The following CDH18 variants were observed in gnomAD, a reference collection of about 807,000 sequenced individuals.
CDH18 encodes cadherin 18.
Under a neutral mutation model 67.9 loss-of-function variants are expected in CDH18, and 31 were observed. The ratio of observed to expected loss-of-function variants is 0.46; its 90% CI spans 0.34 to 0.62. CDH18 has a LOEUF of 0.62. Among genes scored for constraint, CDH18 ranks in the 20% least tolerant of loss-of-function variants. The probability of loss-of-function intolerance (pLI) is 0.01; values close to 1 mark genes in which losing one functional copy is unlikely to be tolerated. For missense variants in CDH18, 890 were observed against 975.5 expected (o/e 0.91, Z 1.17); for synonymous variants, 362 against 347.2 (o/e 1.04, Z -0.48).
At chr5:19,534,152 A>G (rs564864303) in intron 9 of CDH18, among the ~76,000 whole-genome samples, 3 of 152,270 alleles carry the variant, frequency 2.0e-5, no homozygotes, top group African/African-American at 7.2e-5. Flanking sequence ...AAAGGAGTTA[A>G]CCATGAGCAA....
At chr5:20,435,181 G>A (rs532289074) in intron 1 of CDH18, among the ~76,000 whole-genome samples, 8 of 152,054 alleles carry the variant, frequency 5.3e-5, no homozygotes, top group Admixed American at 1.3e-4. Flanking sequence ...AGAAAAAGGC[G>A]TTTTGCCTCT....
chr5:19,753,882 A>AT (rs1377454849), intron 3 of CDH18, among the ~76,000 whole-genome samples: 16 of 152,192 alleles, frequency 1.1e-4, no homozygotes, highest in African/African-American at 3.9e-4. Flanking sequence ...GAAACTAAGC[A>AT]TCATATATGA....
intron 2 of CDH18, among the ~76,000 whole-genome samples, chr5:19,844,383 CT>C (rs1782686979): frequency 6.6e-6 from 1 of 152,102 alleles, no homozygotes; most frequent in Non-Finnish European, 1.5e-5. Context: ...ATAAGGGGCT[CT>C]TTCCCCTTTG....
chr5:20,572,535 C>T (rs1758874138), intron 1 of CDH18, among the ~76,000 whole-genome samples: 3 of 152,014 alleles, frequency 2.0e-5, no homozygotes, highest in Non-Finnish European at 1.5e-5. Flanking sequence ...TAGGATATAT[C>T]TCATTTACCT....
chr5:20,544,322 A>G (rs941190698), intron 1 of CDH18, among the ~76,000 whole-genome samples: 27 of 152,058 alleles, frequency 1.8e-4, no homozygotes, highest in African/African-American at 6.5e-4. Flanking sequence ...AAAAAAGCAC[A>G]CATAAACACA....
intron 2 of CDH18, among the ~76,000 whole-genome samples, chr5:20,241,892 G>GTATATATATATATATATATATATATA (rs1554106527): frequency 3.4e-5 from 1 of 29,292 alleles, no homozygotes; most frequent in African/African-American, 9.2e-5. Flanking sequence ...ATATATATAT[G>GTATATATATATATATATATATATATA]TATATATATA....
intron 2 of CDH18, among the ~76,000 whole-genome samples, chr5:20,114,169 T>C (rs1481147554): frequency 6.6e-6 from 1 of 152,206 alleles, no homozygotes; most frequent in Non-Finnish European, 1.5e-5. Context: ...TCAAGGAGAG[T>C]TGAAGTTACA....
chr5:19,556,256 G>T (rs1738397175), intron 8 of CDH18, among the ~76,000 whole-genome samples: 1 of 152,056 alleles, frequency 6.6e-6, no homozygotes, highest in Non-Finnish European at 1.5e-5. Context: ...ATCAGCAATG[G>T]ATCCAAACCA....
intron 2 of CDH18, among the ~76,000 whole-genome samples, chr5:19,916,615 C>A (rs915462217): frequency 6.6e-6 from 1 of 152,146 alleles, no homozygotes; most frequent in African/African-American, 2.4e-5. Context: ...AATAGGGTCT[C>A]CTGTGTTATT....
chr5:20,505,706 A>G (rs1210973666), intron 1 of CDH18, among the ~76,000 whole-genome samples: 1 of 152,262 alleles, frequency 6.6e-6, no homozygotes, highest in African/African-American at 2.4e-5. Flanking sequence ...TAAGGTCACC[A>G]ACTTGTGGAC....
At chr5:19,564,036 A>C (rs1226231546) in intron 8 of CDH18, among the ~76,000 whole-genome samples, 1 of 152,222 alleles carries the variant, frequency 6.6e-6, no homozygotes, top group South Asian at 2.1e-4. Flanking sequence ...TTAGACCAGC[A>C]CAGGCTAGAG....
chr5:19,728,046 A>AC (rs1767084573), intron 4 of CDH18, among the ~76,000 whole-genome samples: 1 of 152,158 alleles, frequency 6.6e-6, no homozygotes, highest in Admixed American at 6.5e-5. Context: ...AAGAAAAAAA[A>AC]TTATTACCCT....
chr5:20,130,342 G>A (rs1170518206), intron 2 of CDH18, among the ~76,000 whole-genome samples: 2 of 150,698 alleles, frequency 1.3e-5, no homozygotes, highest in Non-Finnish European at 3.0e-5. Context: ...CAGATTTAAG[G>A]AAGAGTTGAT....
chr5:20,002,712 G>A (rs1300203074), intron 2 of CDH18, among the ~76,000 whole-genome samples: 1 of 152,116 alleles, frequency 6.6e-6, no homozygotes, highest in Non-Finnish European at 1.5e-5. Context: ...TATCAATATG[G>A]TTCTTTTGTT....
Position 19,574,605 on chromosome 5 carries a change from A to C in CDH18, c.1000-2773T>G, listed in dbSNP as rs1374056083. Among the ~76,000 whole-genome samples, 6 of 152,260 alleles carry C rather than the reference A, an allele frequency of 3.9e-5. No individual in the cohort carries two copies. The East Asian group carries it at 1.2e-3, about 29-fold the overall frequency. On this transcript the variant is annotated intron_variant, in intron 7 of 12. Transcript: ENST00000382275. ...TGTATTATTTGGTTTTACCCAAAAA[A>C]AATGGTATTTATAGTATTAGTATTA...
At position 20,296,173 on chromosome 5, in the gene CDH18, C is replaced by T. The variant is rs570439177; in HGVS notation, c.-579-40668G>A. Among the ~76,000 whole-genome samples, 9 of 151,178 alleles carry T rather than the reference C, an allele frequency of 6.0e-5. No homozygotes were observed. The East Asian group carries it at 1.6e-3, about 27-fold the overall frequency. ...GCAGGTGTCAGCCATCGCGCCTGGC[C>T]GACAAATTTTCATAATGGATTATTA... On this transcript the variant is annotated intron_variant, in intron 1 of 14. Transcript: ENST00000507958.
intron 1 of CDH18, among the ~76,000 whole-genome samples, chr5:20,479,304 G>A (rs1416932621): frequency 6.6e-6 from 1 of 152,088 alleles, no homozygotes; most frequent in Non-Finnish European, 1.5e-5. Context: ...CAGAGTGACA[G>A]AGATATATGA....
intron 2 of CDH18, among the ~76,000 whole-genome samples, chr5:20,218,214 A>C (rs1740930671): frequency 6.6e-6 from 1 of 152,002 alleles, no homozygotes; most frequent in Non-Finnish European, 1.5e-5. Flanking sequence ...TGCAGAATAC[A>C]CATTCTTCTC....
intron 1 of CDH18, among the ~76,000 whole-genome samples, chr5:20,296,556 C>T (rs924740630): frequency 2.0e-5 from 3 of 152,164 alleles, no homozygotes; most frequent in South Asian, 2.1e-4. Context: ...CCACCGCCCC[C>T]GGCCCACTAA....
Sources: gnomAD v4.1 joint callset for allele counts (sites outside exome capture counted in the v4.1 genomes callset) on GRCh38, gnomAD v4.1.1 for gene constraint, MANE v1.5 for transcripts, NCBI Gene and HGNC (gene_info 2026-07-23, HGNC 2026-07-21) for gene names.